Variants in LRP12 observed in about 807,000 individuals in gnomAD.
LRP12 encodes the protein low-density lipoprotein receptor-related protein 12.
LRP12 carries 14 observed loss-of-function variants against 66.0 expected under a neutral mutation model. The observed-to-expected ratio is 0.21, with a 90% confidence interval of 0.14 to 0.33. LRP12 has a LOEUF of 0.33. Among genes scored for constraint, LRP12 ranks in the 10% least tolerant of loss-of-function variants. The pLI is 1.00. For missense variants in LRP12, 889 were observed against 1,053.4 expected, an observed-to-expected ratio of 0.84 and a Z score of 2.16; for synonymous variants, 357 against 359.1, an observed-to-expected ratio of 0.99 and a Z score of 0.07.
chr8:104,577,012 G>A (rs753338036), intron 1 of LRP12, among the ~76,000 whole-genome samples: 1 of 152,124 alleles, frequency 6.6e-6, no homozygotes, highest in African/African-American at 2.4e-5. Context: ...ATTACATAAT[G>A]GTAATGGGTT....
At chr8:104,548,171 A>AAT (rs1554709879) in intron 1 of LRP12, among the ~76,000 whole-genome samples, 68 of 99,080 alleles carry the variant, frequency 6.9e-4, no homozygotes, top group South Asian at 3.5e-3. Context: ...TATTATATAT[A>AAT]ATATAATATA....
intron 2 of LRP12, among the ~76,000 whole-genome samples, chr8:104,518,030 A>C (rs1424223620): frequency 6.6e-6 from 1 of 152,146 alleles, no homozygotes; most frequent in Non-Finnish European, 1.5e-5. Context: ...CATAAAAATC[A>C]GGTACCTCCT....
chr8:104,565,611 G>C (rs1811985834), intron 1 of LRP12, among the ~76,000 whole-genome samples: 1 of 152,086 alleles, frequency 6.6e-6, no homozygotes, highest in South Asian at 2.1e-4. Context: ...TGTAATCCCA[G>C]CACTTTGGGA....
chr8:104,532,607 A>G (rs533914781), intron 1 of LRP12, among the ~76,000 whole-genome samples: 3 of 152,266 alleles, frequency 2.0e-5, no homozygotes, highest in African/African-American at 7.2e-5. Flanking sequence ...ACAGCTCAGA[A>G]ACCGAACAGA....
chr8:104,542,429 T>A (rs1302124234), intron 1 of LRP12, among the ~76,000 whole-genome samples: 1 of 152,176 alleles, frequency 6.6e-6, no homozygotes, highest in Non-Finnish European at 1.5e-5. Context: ...TTGCAAATAT[T>A]TTCTCCCATT....
chr8:104,516,201 C>T (rs1317573205), intron 2 of LRP12, among the ~76,000 whole-genome samples: 1 of 152,042 alleles, frequency 6.6e-6, no homozygotes, highest in Non-Finnish European at 1.5e-5. Context: ...TAGAAATCCC[C>T]AAATTAAAGA....
chr8:104,568,169 G>T (rs886695568), intron 1 of LRP12, among the ~76,000 whole-genome samples: 7 of 152,130 alleles, frequency 4.6e-5, no homozygotes, highest in African/African-American at 1.4e-4. Context: ...GATTAAATGG[G>T]AGAAAGACTG....
At chr8:104,552,503 C>T (rs376244439) in intron 1 of LRP12, among the ~76,000 whole-genome samples, 50 of 151,598 alleles carry the variant, frequency 3.3e-4, no homozygotes, top group Non-Finnish European at 5.4e-4. Context: ...AACCCCTTCT[C>T]TACTAAAAAT....
chr8:104,496,074 T>C (rs1356379711), intron 5 of LRP12: 1 of 152,246 alleles, frequency 6.6e-6, no homozygotes, highest in Non-Finnish European at 1.5e-5. Flanking sequence ...CTGAAGGTCA[T>C]TGTCTCCACA....
chr8:104,547,697 A>G (rs1285773742), intron 1 of LRP12, among the ~76,000 whole-genome samples: 3 of 126,752 alleles, frequency 2.4e-5, no homozygotes, highest in Non-Finnish European at 4.7e-5. Context: ...ATAAAATCAT[A>G]TATTATATAT....
chr8:104,570,179 C>T (rs1812057237), intron 1 of LRP12, among the ~76,000 whole-genome samples: 1 of 152,032 alleles, frequency 6.6e-6, no homozygotes, highest in Non-Finnish European at 1.5e-5. Context: ...GATTAGAAAA[C>T]TCAACATAGT....
chr8:104,575,031 A>C (rs1812142210), intron 1 of LRP12, among the ~76,000 whole-genome samples: 1 of 152,170 alleles, frequency 6.6e-6, no homozygotes, highest in Non-Finnish European at 1.5e-5. Flanking sequence ...AGGCAGGCAG[A>C]GGGAACAGCG....
At chr8:104,554,837 G>A (rs977309469) in intron 1 of LRP12, among the ~76,000 whole-genome samples, 1 of 152,128 alleles carries the variant, frequency 6.6e-6, no homozygotes, top group Non-Finnish European at 1.5e-5. Context: ...GTTATCTAAA[G>A]TCAAGATGAA....
intron 1 of LRP12, among the ~76,000 whole-genome samples, chr8:104,548,728 T>C (rs1424811506): frequency 6.7e-6 from 1 of 149,790 alleles, no homozygotes; most frequent in African/African-American, 2.5e-5. Flanking sequence ...GCGGATCACT[T>C]GAGGTTGGGA....
At chr8:104,573,410 T>TGAGTTC (rs1200699108) in intron 1 of LRP12, among the ~76,000 whole-genome samples, 2 of 152,160 alleles carry the variant, frequency 1.3e-5, no homozygotes, top group Admixed American at 1.3e-4. Flanking sequence ...GCTCCTGCCT[T>TGAGTTC]CAGATGTGAG....
chr8:104,577,234 G>C (rs1011171516), intron 1 of LRP12, among the ~76,000 whole-genome samples: 1 of 152,088 alleles, frequency 6.6e-6, no homozygotes, highest in Non-Finnish European at 1.5e-5. Flanking sequence ...AAACAGACCT[G>C]ACAGATATCT....
At chr8:104,569,836 A>C (rs925558231) in intron 1 of LRP12, among the ~76,000 whole-genome samples, 10 of 152,266 alleles carry the variant, frequency 6.6e-5, no homozygotes, top group Admixed American at 3.9e-4. Context: ...ATAAATTAAA[A>C]AAAGGTGTAT....
intron 3 of LRP12, chr8:104,504,594 TA>T (rs1394682835): frequency 6.6e-6 from 1 of 152,208 alleles, no homozygotes; most frequent in Non-Finnish European, 1.5e-5. Context: ...CATACAGGTT[TA>T]TTTTTTTCTT....
Position 104,529,834 on chromosome 8 carries a change from GT to G in LRP12, c.136+2072del, listed in dbSNP as rs1404874459. Among the ~76,000 whole-genome samples, 3 of 152,326 alleles carry G rather than the reference GT, an allele frequency of 2.0e-5. No homozygotes were observed. The East Asian group carries it at 5.8e-4, about 29-fold the overall frequency. On this transcript the variant is annotated intron_variant, in intron 2 of 6. Transcript: ENST00000276654. ...ACTAACCTTAAAGAAACTACCTCGT[GT>G]TGAGTTTTGGTGTAGTATCATAGAA...
Sources: gnomAD v4.1 joint callset for allele counts (sites outside exome capture counted in the v4.1 genomes callset) on GRCh38, gnomAD v4.1.1 for gene constraint, MANE v1.5 for transcripts, NCBI Gene and HGNC (gene_info 2026-07-23, HGNC 2026-07-21) for gene names.